The following PLPPR4 variants were observed in gnomAD, a reference collection of about 807,000 sequenced individuals.
The protein encoded by PLPPR4 is phospholipid phosphatase-related protein type 4.
A neutral mutation model predicts 56.6 loss-of-function variants in PLPPR4; 24 were observed. The observed-to-expected ratio is 0.42, with a 90% confidence interval of 0.31 to 0.60. The LOEUF (loss-of-function observed/expected upper bound fraction) is 0.60, where lower values mean the gene tolerates loss of function less well. PLPPR4 is among the 20% of genes least tolerant of loss of function. The pLI is 0.13. For synonymous variants in PLPPR4, 326 were observed against 328.1 expected, an observed-to-expected ratio of 0.99 and a Z score of 0.07; for missense variants, 654 against 885.8, an observed-to-expected ratio of 0.74 and a Z score of 3.32.
At chr1:99,283,845 A>G (rs1050131351) in intron 1 of PLPPR4, among the ~76,000 whole-genome samples, 21 of 152,208 alleles carry the variant, frequency 1.4e-4, no homozygotes, top group South Asian at 4.1e-4. Context: ...CCAGCTACTC[A>G]GGAGACTGAG....
In PLPPR4 at chr1:99,300,915, C is replaced by A. The variant is rs746938135; in HGVS notation, c.597C>A (p.Ser199=). ...GACTATCTTCTTTTGGCAGAAAGTCCTTCCCTTCTCAACATGCAACCCTTG... is the reference window on the plus strand; with the variant it reads ...GACTATCTTCTTTTGGCAGAAAGTCATTCCCTTCTCAACATGCAACCCTTG... ...DLTVINSGRK[S]FPSQHATLAA... Residue 199 remains serine (S), a synonymous_variant, in exon 5 of 7, where the codon TCC becomes TCA. Coordinates refer to ENST00000370185, the MANE Select transcript of PLPPR4 (RefSeq NM_014839.5). 2 of 1,612,068 alleles carry A rather than the reference C, an allele frequency of 1.2e-6. No individual in the cohort carries two copies. The highest frequency in any genetic ancestry group is 1.7e-6 in the Non-Finnish European group (2 of 1,178,438).
intron 1 of PLPPR4, among the ~76,000 whole-genome samples, chr1:99,282,667 A>C (rs891686840): frequency 6.6e-6 from 1 of 151,994 alleles, no homozygotes; most frequent in East Asian, 1.9e-4. Context: ...ACTTTAAATA[A>C]AATTCTAACT....
intron 2 of PLPPR4, among the ~76,000 whole-genome samples, chr1:99,296,501 A>G (rs2100805357): frequency 6.6e-6 from 1 of 152,314 alleles, no homozygotes; most frequent in Admixed American, 6.5e-5. Flanking sequence ...AAAATGTTCC[A>G]GTACATGAGA....
intron 1 of PLPPR4, among the ~76,000 whole-genome samples, chr1:99,272,816 T>G (rs561930428): frequency 6.6e-6 from 1 of 152,226 alleles, no homozygotes; most frequent in East Asian, 1.9e-4. Context: ...CAATGTAAAT[T>G]TTTCATACAT....
chr1:99,276,448 T>C (rs1489407128), intron 1 of PLPPR4, among the ~76,000 whole-genome samples: 1 of 152,102 alleles, frequency 6.6e-6, no homozygotes, highest in Non-Finnish European at 1.5e-5. Flanking sequence ...GATACTTTAT[T>C]TTAATAAACA....
rs146570667 is a variant in PLPPR4 at position 99,307,018 on chromosome 1, C to A, written c.*8C>A. ...CGGGCTTATAAGGATTGAGTGATGT[C>A]CATTCCATCATTAGGGCTACTCGCA... On this transcript the variant is annotated 3_prime_UTR_variant, in exon 7 of 7. Coordinates refer to ENST00000370185, the MANE Select transcript of PLPPR4 (RefSeq NM_014839.5). 254 of 1,577,574 alleles carry A rather than the reference C, an allele frequency of 1.6e-4. 1 individual carries two copies. Among genetic ancestry groups the A allele is most frequent in the African/African-American group, 5.4e-4 (40 of 74,174 alleles).
intron 2 of PLPPR4, among the ~76,000 whole-genome samples, chr1:99,289,117 A>C (rs969878441): frequency 6.6e-6 from 1 of 152,134 alleles, no homozygotes; most frequent in African/African-American, 2.4e-5. Context: ...AGAGGACAAG[A>C]AACACTTTTC....
In PLPPR4 at chr1:99,264,599, G is replaced by A; in HGVS notation, c.6G>A (p.Ser2=). Residue 2 remains serine, a synonymous_variant, in exon 1 of 7, where the codon TCG becomes TCA. Transcript: ENST00000370185. ...GACCCGGGCAGGCGGCAGGGATGTCGGCGAAGGAGAGGCCAAAGGGCAAAG... is the reference window on the plus strand; with the variant it reads ...GACCCGGGCAGGCGGCAGGGATGTCAGCGAAGGAGAGGCCAAAGGGCAAAG... M[S]AKERPKGKVI... 5 of 1,550,834 alleles carry A rather than the reference G, an allele frequency of 3.2e-6. No individual in the cohort carries two copies. The highest frequency in any genetic ancestry group is 1.7e-4 in the Middle Eastern group (1 of 5,992).
At chr1:99,263,279 A>T (rs895781044), upstream of PLPPR4, among the ~76,000 whole-genome samples, 3 of 152,144 alleles carry the variant, frequency 2.0e-5, no homozygotes, top group Non-Finnish European at 4.4e-5. Context: ...CCGGGATATT[A>T]TCAGGTGAGT....
intron 1 of PLPPR4, among the ~76,000 whole-genome samples, chr1:99,266,575 C>G (rs1658904998): frequency 6.6e-6 from 1 of 152,172 alleles, no homozygotes; most frequent in Non-Finnish European, 1.5e-5. Context: ...GGAAATAGCC[C>G]AGATTCATTA....
chr1:99,305,618 T>C (rs1660001733), intron 6 of PLPPR4, 67 bp from the exon 7 acceptor site: 4 of 1,497,862 alleles, frequency 2.7e-6, no homozygotes, highest in South Asian at 1.3e-5. Context: ...CTTCAGTGGG[T>C]ACTCTAAGGA....
intron 3 of PLPPR4, 52 bp from the exon 4 acceptor site, chr1:99,298,983 G>GA (rs1557781904): frequency 8.3e-7 from 1 of 1,207,938 alleles, no homozygotes; most frequent in South Asian, 1.2e-5. Context: ...GAATATGTTT[G>GA]ATGCTGACAC....
chr1:99,306,898 C>G lies in PLPPR4; in HGVS notation c.2036C>G (p.Thr679Ser). ...TCCATTTCTTCTTCCCGCGACTCCA[C>G]CCTGCGGAGAAAGGGCAATATCATT... The part of the protein sequence containing the change: ...TLSISSSRDS[T>S]LRRKGNIILI... The change falls in exon 7 of 7, where the codon ACC becomes AGC. Residue 679 changes from threonine to serine, a missense_variant. Physicochemically the swap from Thr to Ser is moderately conservative, Grantham distance 58. This residue lies in a region of PLPPR4 where 468 missense variants were observed against 554.3 expected (regional missense o/e 0.84). Transcript: ENST00000370185. The surrounding 1 kb of genome is among the most constrained non-coding windows in gnomAD (Gnocchi z 4.0). 1 of 1,614,140 alleles carries G rather than the reference C, an allele frequency of 6.2e-7. No homozygotes were observed. Among genetic ancestry groups the G allele is most frequent in the South Asian group, 1.1e-5 (1 of 91,080 alleles).
intron 2 of PLPPR4, among the ~76,000 whole-genome samples, chr1:99,295,853 T>A (rs949729985): frequency 6.6e-6 from 1 of 152,118 alleles, no homozygotes; most frequent in Admixed American, 6.6e-5. Flanking sequence ...CCTAGTCTAG[T>A]GAGAGACAGC....
Position 99,307,084 on chromosome 1 carries a change from A to C in PLPPR4, c.*74A>C. 6.7e-7 allele frequency: 1 copy of C among 1,501,694 alleles called. No homozygotes were observed. 93.0% of individuals were successfully genotyped at this position (1,501,694 alleles called of 1,614,324 possible). A position where few individuals can be genotyped will look rare whatever the true frequency, so the allele number is the denominator to read the frequency against. On this transcript the variant is annotated 3_prime_UTR_variant, in exon 7 of 7. Coordinates refer to ENST00000370185, the MANE Select transcript of PLPPR4 (RefSeq NM_014839.5). ...ATTCTACCTGTGTTCTGTTCCAGCG[A>C]ATTGGGAAGTCTCACCAAGCTAGAT...
In PLPPR4 at chr1:99,307,615, T is replaced by C. The variant is rs552408919; in HGVS notation, c.*605T>C. On this transcript the variant is annotated 3_prime_UTR_variant, in exon 7 of 7. Coordinates refer to ENST00000370185, the MANE Select transcript of PLPPR4 (RefSeq NM_014839.5). ...AATAGGACACCCCGCAGCTTCTCTG[T>C]AGTGGCTCTGTCACAGTCAAAAAAT... is the stretch of plus-strand genomic sequence containing the variant. 1 of 152,364 alleles carries C rather than the reference T, an allele frequency of 6.6e-6. No homozygotes were observed. The highest frequency in any genetic ancestry group is 2.1e-4 in the South Asian group (1 of 4,828). 9.4% of individuals were successfully genotyped at this position (152,364 alleles called of 1,614,324 possible).
At chr1:99,272,168 A>G (rs1462632223) in intron 1 of PLPPR4, among the ~76,000 whole-genome samples, 3 of 152,196 alleles carry the variant, frequency 2.0e-5, no homozygotes, top group Admixed American at 6.5e-5. Context: ...GAAATGTCTC[A>G]CAGAGTTTAA....
chr1:99,277,813 T>C (rs1009253262), intron 1 of PLPPR4, among the ~76,000 whole-genome samples: 1 of 152,142 alleles, frequency 6.6e-6, no homozygotes, highest in African/African-American at 2.4e-5. Flanking sequence ...TGCAAAAAAT[T>C]GAAATCCATT....
chr1:99,294,695 C>CAAA (rs58586815), intron 2 of PLPPR4, among the ~76,000 whole-genome samples: 6 of 62,938 alleles, frequency 9.5e-5, no homozygotes, highest in African/African-American at 1.1e-4. Flanking sequence ...GACTCAGTCT[C>CAAA]AAAAAAAAAA....
Sources: gnomAD v4.1 joint callset for allele counts (sites outside exome capture counted in the v4.1 genomes callset) on GRCh38, gnomAD v4.1.1 for gene constraint, gnomAD v4.1.1 regional missense constraint, Gnocchi (gnomAD v3.1) non-coding constraint, MANE v1.5 for transcripts, NCBI Gene and HGNC (gene_info 2026-07-23, HGNC 2026-07-21) for gene names.